PRDM12: variants seen among roughly 807,000 people sequenced by gnomAD.
The protein encoded by PRDM12 is PR domain zinc finger protein 12.
Under a neutral mutation model 29.6 loss-of-function variants are expected in PRDM12, and 17 were observed. That is an observed-to-expected ratio of 0.57 (90% CI 0.39 to 0.86). The LOEUF (loss-of-function observed/expected upper bound fraction) is 0.86. Ranked by LOEUF, PRDM12 falls within the 40% of genes least tolerant of loss-of-function variation. PRDM12 has a pLI of 0.00. For missense variants in PRDM12, 422 were observed against 510.8 expected (o/e 0.83, Z 1.68); for synonymous variants, 231 against 225.8 (o/e 1.02, Z -0.21).
At chr9:130,674,010 CTTTTTT>C (rs35863613) in intron 3 of PRDM12, among the ~76,000 whole-genome samples, 4 of 71,844 alleles carry the variant, frequency 5.6e-5, no homozygotes, top group African/African-American at 6.2e-5. Flanking sequence ...TTCTTTCTTT[CTTTTTT>C]TTTTTTTTTT....
chr9:130,666,804 C>T lies in PRDM12; in HGVS notation c.414+6C>T, dbSNP rs745623018. The T allele has an allele frequency of 6.3e-7, 1 of 1,599,042 alleles. No individual in the cohort carries two copies. The highest frequency in any genetic ancestry group is 8.5e-7 in the Non-Finnish European group (1 of 1,171,346). ...ACAACAACCTCATGTGGGAGGTACGCGCGGGCTGGGGCAGAGGGGCGCAAG... is the reference window on the plus strand; with the variant it reads ...ACAACAACCTCATGTGGGAGGTACGTGCGGGCTGGGGCAGAGGGGCGCAAG... On this transcript the variant is annotated splice_donor_region_variant and intron_variant, in intron 2 of 4. Transcript: ENST00000253008.
Position 130,664,818 on chromosome 9 carries a change from C to T in PRDM12, c.165C>T (p.His55=), listed in dbSNP as rs1419184734. The change falls in exon 1 of 5, where the codon CAC becomes CAT. Residue 55 remains histidine, a synonymous_variant. Coordinates refer to ENST00000253008, the MANE Select transcript of PRDM12 (RefSeq NM_021619.3). The surrounding 1 kb of genome is among the most constrained non-coding windows in gnomAD (Gnocchi z 6.4). ...LGEQLFEDKS[H]HASPKTAFTA... is the part of the protein sequence containing the mutation. ...AGCAGCTCTTCGAGGACAAGAGCCA[C>T]CACGCCAGCCCCAAGACAGCCTTCA... is the stretch of plus-strand genomic sequence containing the variant. 1.9e-6 allele frequency: 3 copies of T among 1,561,976 alleles called. No individual in the cohort carries two copies. Among genetic ancestry groups the T allele is most frequent in the African/African-American group, 1.4e-5 (1 of 73,804 alleles).
chr9:130,665,356 C>A (rs923798939), intron 1 of PRDM12, among the ~76,000 whole-genome samples: 1 of 152,026 alleles, frequency 6.6e-6, no homozygotes, highest in Non-Finnish European at 1.5e-5. Context: ...GCGGGGAGAG[C>A]GAGGGAGAGA....
At chr9:130,679,153 G>A (rs1396267586) in intron 4 of PRDM12, among the ~76,000 whole-genome samples, 2 of 152,162 alleles carry the variant, frequency 1.3e-5, no homozygotes, top group Non-Finnish European at 2.9e-5. Flanking sequence ...GCCTGTTGAA[G>A]GAAGGCAGGA....
intron 3 of PRDM12, among the ~76,000 whole-genome samples, chr9:130,670,818 G>T (rs538578532): frequency 3.0e-4 from 46 of 152,086 alleles, no homozygotes; most frequent in Non-Finnish European, 3.2e-4. Flanking sequence ...GACCAGAAAC[G>T]CCTACATCAT....
At chr9:130,666,303 G>C (rs1166758772) in intron 1 of PRDM12, among the ~76,000 whole-genome samples, 1 of 152,242 alleles carries the variant, frequency 6.6e-6, no homozygotes. Flanking sequence ...CCGGGGCAGA[G>C]GATGGAAGAA....
intron 3 of PRDM12, among the ~76,000 whole-genome samples, chr9:130,676,767 G>T (rs1486952914): frequency 1.3e-5 from 2 of 152,144 alleles, no homozygotes; most frequent in Non-Finnish European, 2.9e-5. Context: ...TAACCCTAAG[G>T]CTCGCCATGA....
At chr9:130,669,852 A>C (rs924522561) in intron 3 of PRDM12, among the ~76,000 whole-genome samples, 2 of 149,674 alleles carry the variant, frequency 1.3e-5, no homozygotes, top group Non-Finnish European at 3.0e-5. Context: ...ACCGGTAAAT[A>C]TCACTTCCTG....
intron 3 of PRDM12, among the ~76,000 whole-genome samples, chr9:130,675,364 T>C (rs1394314692): frequency 1.3e-5 from 2 of 152,076 alleles, no homozygotes; most frequent in Non-Finnish European, 2.9e-5. Context: ...CTGGGGGAGA[T>C]GGGGCTGGGA....
At position 130,666,754 on chromosome 9, in the gene PRDM12, C is replaced by T. The variant is rs1372158712; in HGVS notation, c.370C>T (p.Pro124Ser). ...CCCCTTCACCGGCCGCGTGATCGCCCCGGAGCACGTGGACATCTGCAAGAA... is the reference window on the plus strand; with the variant it reads ...CCCCTTCACCGGCCGCGTGATCGCCTCGGAGCACGTGGACATCTGCAAGAA... ...MGPFTGRVIA[P>S]EHVDICKNNN... The change falls in exon 2 of 5, where the codon CCG (proline) becomes TCG (serine). Residue 124 changes from proline (P) to serine (S), a missense_variant. Transcript: ENST00000253008. 1 of 1,612,440 alleles carries T rather than the reference C, an allele frequency of 6.2e-7. No homozygotes were observed. Among genetic ancestry groups the T allele is most frequent in the Admixed American group, 1.7e-5 (1 of 59,896 alleles).
At chr9:130,678,731 T>C in intron 4 of PRDM12, 91 bp downstream of exon 4, 1 of 1,069,802 alleles carries the variant, frequency 9.3e-7, no homozygotes, top group South Asian at 1.5e-5. Context: ...GCAGAGAGGC[T>C]CTTGGCCTCC....
chr9:130,682,090 G>C lies in PRDM12; in HGVS notation c.*421G>C, dbSNP rs982930675. On this transcript the variant is annotated 3_prime_UTR_variant, in exon 5 of 5. Transcript: ENST00000253008. The surrounding 1 kb of genome is among the most constrained non-coding windows in gnomAD (Gnocchi z 4.2). ...CCGCCACCGAGAGTCCTGTGCTTCG[G>C]AATGAAGGGAGGGCGACCTCCTTGT... 6.6e-6 allele frequency: 1 copy of C among 152,162 alleles called. No homozygotes were observed. Among genetic ancestry groups the C allele is most frequent in the Non-Finnish European group, 1.5e-5 (1 of 68,078 alleles). 9.4% of individuals were successfully genotyped at this position (152,162 alleles called of 1,614,324 possible).
intron 3 of PRDM12, among the ~76,000 whole-genome samples, chr9:130,675,705 G>A (rs1474148922): frequency 1.3e-5 from 2 of 152,226 alleles, no homozygotes; most frequent in East Asian, 3.8e-4. Flanking sequence ...GCCCCACGAC[G>A]TGAGGCGACT....
Position 130,681,730 on chromosome 9 carries a change from A to G in PRDM12, c.*61A>G. On this transcript the variant is annotated 3_prime_UTR_variant, in exon 5 of 5. Transcript: ENST00000253008. This position sits in a 1 kb window ranked among gnomAD's most constrained non-coding sequence, Gnocchi z 8.1. Reference sequence around the variant, plus strand: ...TGGGTCCCCGGCACCCCGGCCCCGCAGCGCGACTCGCCCTCCAGCCCCAAC... The same window carrying G: ...TGGGTCCCCGGCACCCCGGCCCCGCGGCGCGACTCGCCCTCCAGCCCCAAC... The G allele has an allele frequency of 5.1e-6, 5 of 978,416 alleles. No homozygotes were observed. Among genetic ancestry groups the G allele is most frequent in the Non-Finnish European group, 6.1e-6 (5 of 825,310 alleles). The allele number at this position is 978,416 out of a possible 1,614,324, so 60.6% of individuals were successfully genotyped here.
Position 130,679,706 on chromosome 9 carries a change from G to A in PRDM12, c.682+1066G>A, listed in dbSNP as rs550191579. Among the ~76,000 whole-genome samples, 3 of 152,152 alleles carry A rather than the reference G, an allele frequency of 2.0e-5. No homozygotes were observed. The South Asian group carries it at 6.2e-4, about 32-fold the overall frequency. On this transcript the variant is annotated intron_variant, in intron 4 of 4. Transcript: ENST00000253008. Reference sequence around the variant, plus strand: ...GACAGAGTCTCTCTCTGTCACCCAGGCTGGAGTGCAGTGGCACTATCTTGG... The same window carrying A: ...GACAGAGTCTCTCTCTGTCACCCAGACTGGAGTGCAGTGGCACTATCTTGG...
chr9:130,672,585 A>G (rs995414313), intron 3 of PRDM12, among the ~76,000 whole-genome samples: 2 of 152,228 alleles, frequency 1.3e-5, no homozygotes, highest in Middle Eastern at 6.8e-3. Context: ...TGTTACGGAG[A>G]TTACGGGAAG....
Position 130,668,088 on chromosome 9 carries a change from G to A in PRDM12, c.415-70G>A, listed in dbSNP as rs1019569079. 1.3e-4 allele frequency: 200 copies of A among 1,545,172 alleles called. No homozygotes were observed. Among genetic ancestry groups the A allele is most frequent in the Non-Finnish European group, 1.7e-4 (187 of 1,124,218 alleles). Reference sequence around the variant, plus strand: ...TTGTGAGGATGGAGAGTGTGTGTGTGGATGTGCCTGGAAGATGGTACACAT... The same window carrying A: ...TTGTGAGGATGGAGAGTGTGTGTGTAGATGTGCCTGGAAGATGGTACACAT... On this transcript the variant is annotated intron_variant, in intron 2 of 4. Coordinates refer to ENST00000253008, the MANE Select transcript of PRDM12 (RefSeq NM_021619.3). The surrounding 1 kb of genome is among the most constrained non-coding windows in gnomAD (Gnocchi z 4.0).
rs994104215 is a variant in PRDM12 at position 130,668,340 on chromosome 9, G to A, written c.570+27G>A. Reference sequence around the variant, plus strand: ...TGTGTGTGTGTGTGTGCACTGTTGTGTAGGGACCAGCCGGTAAACCCGGCG... The same window carrying A: ...TGTGTGTGTGTGTGTGCACTGTTGTATAGGGACCAGCCGGTAAACCCGGCG... On this transcript the variant is annotated intron_variant, in intron 3 of 4. Transcript: ENST00000253008. The surrounding 1 kb of genome is among the most constrained non-coding windows in gnomAD (Gnocchi z 4.0). 6 of 1,609,514 alleles carry A rather than the reference G, an allele frequency of 3.7e-6. No individual in the cohort carries two copies. Among genetic ancestry groups the A allele is most frequent in the Admixed American group, 1.7e-5 (1 of 59,918 alleles).
At position 130,681,763 on chromosome 9, in the gene PRDM12, C is replaced by T; in HGVS notation, c.*94C>T. 1 of 955,282 alleles carries T rather than the reference C, an allele frequency of 1.0e-6. No individual in the cohort carries two copies. Among genetic ancestry groups the T allele is most frequent in the Non-Finnish European group, 1.2e-6 (1 of 802,794 alleles). 59.2% of individuals were successfully genotyped at this position (955,282 alleles called of 1,614,324 possible). ...TCGCCCTCCAGCCCCAACCCCCGGC[C>T]CGGCGCCGCCGCGGAGCCCCGCGCG... On this transcript the variant is annotated 3_prime_UTR_variant, in exon 5 of 5. Coordinates refer to ENST00000253008, the MANE Select transcript of PRDM12 (RefSeq NM_021619.3). The surrounding 1 kb of genome is among the most constrained non-coding windows in gnomAD (Gnocchi z 8.1).
Sources: allele counts gnomAD v4.1 joint callset (sites outside exome capture counted in the v4.1 genomes callset), GRCh38; gene constraint gnomAD v4.1.1; non-coding constraint Gnocchi (gnomAD v3.1); transcripts MANE v1.5; gene names NCBI Gene and HGNC (gene_info 2026-07-23, HGNC 2026-07-21).